TAFA2: variants seen among roughly 807,000 people sequenced by gnomAD.
TAFA2 encodes the protein chemokine-like protein TAFA-2.
A neutral mutation model predicts 18.8 loss-of-function variants in TAFA2; 7 were observed. The observed-to-expected ratio is 0.37, with a 90% CI of 0.21 to 0.70. The LOEUF is 0.70. Among genes scored for constraint, TAFA2 ranks in the 30% least tolerant of loss-of-function variants. The probability of loss-of-function intolerance (pLI) is 0.53; values close to 1 mark genes in which losing one functional copy is unlikely to be tolerated. For synonymous variants in TAFA2, 60 were observed against 54.2 expected, an observed-to-expected ratio of 1.11 and a Z score of -0.47; for missense variants, 122 against 158.1, an observed-to-expected ratio of 0.77 and a Z score of 1.23.
At chr12:62,058,919 C>T (rs932557085) in intron 1 of TAFA2, among the ~76,000 whole-genome samples, 3 of 152,030 alleles carry the variant, frequency 2.0e-5, no homozygotes, top group African/African-American at 4.8e-5. Flanking sequence ...CTGGCTAACA[C>T]GGTGAAACCC....
intron 2 of TAFA2, among the ~76,000 whole-genome samples, chr12:61,860,676 C>T (rs1232650785): frequency 1.3e-5 from 2 of 152,182 alleles, no homozygotes; most frequent in Non-Finnish European, 2.9e-5. Flanking sequence ...TTTCATGTCT[C>T]AGTAGCTTGG....
intron 1 of TAFA2, among the ~76,000 whole-genome samples, chr12:62,163,292 A>G (rs1294240732): frequency 6.6e-6 from 1 of 152,080 alleles, no homozygotes; most frequent in Non-Finnish European, 1.5e-5. Flanking sequence ...TCTAGAAAAA[A>G]TCTCCAAACA....
chr12:61,823,496 C>A (rs1223223611), intron 2 of TAFA2, among the ~76,000 whole-genome samples: 1 of 152,156 alleles, frequency 6.6e-6, no homozygotes, highest in Admixed American at 6.5e-5. Context: ...AGGTAGGCCA[C>A]AAATACCCCT....
At chr12:62,166,631 C>A (rs2062442256) in intron 1 of TAFA2, among the ~76,000 whole-genome samples, 1 of 152,064 alleles carries the variant, frequency 6.6e-6, no homozygotes, top group Non-Finnish European at 1.5e-5. Flanking sequence ...TGCAAAATAG[C>A]TCTTTAAAGA....
chr12:61,738,934 G>C (rs567707611), intron 4 of TAFA2, among the ~76,000 whole-genome samples: 2 of 152,160 alleles, frequency 1.3e-5, no homozygotes, highest in African/African-American at 4.8e-5. Flanking sequence ...GTTAATATTT[G>C]AGTTATGAGA....
At chr12:61,835,588 A>T (rs913833003) in intron 2 of TAFA2, among the ~76,000 whole-genome samples, 3 of 152,000 alleles carry the variant, frequency 2.0e-5, no homozygotes, top group Middle Eastern at 3.4e-3. Flanking sequence ...ACCATGATTA[A>T]TTTTTTTGTA....
chr12:62,080,520 GA>G (rs60069379), intron 1 of TAFA2, among the ~76,000 whole-genome samples: 216 of 144,882 alleles, frequency 1.5e-3, no homozygotes, highest in South Asian at 7.4e-3. Context: ...AGAAAGAAAA[GA>G]AAAAAAAAAA....
At chr12:62,175,922 TA>T (rs1490636670) in intron 1 of TAFA2, among the ~76,000 whole-genome samples, 5 of 150,144 alleles carry the variant, frequency 3.3e-5, no homozygotes, top group Non-Finnish European at 3.0e-5. Context: ...TCTCATCTAT[TA>T]AAAAAAAAGA....
chr12:62,131,288 G>A (rs1176261766), intron 1 of TAFA2, among the ~76,000 whole-genome samples: 1 of 151,974 alleles, frequency 6.6e-6, no homozygotes. Context: ...TCCACACACA[G>A]AGAAAGAAAA....
chr12:62,055,244 T>C (rs1218312082), intron 1 of TAFA2, among the ~76,000 whole-genome samples: 2 of 152,292 alleles, frequency 1.3e-5, no homozygotes, highest in South Asian at 2.1e-4. Context: ...TAAATTTCTG[T>C]CCTTTATAAA....
At chr12:61,767,012 A>C (rs1199390893) in intron 2 of TAFA2, among the ~76,000 whole-genome samples, 1 of 152,152 alleles carries the variant, frequency 6.6e-6, no homozygotes, top group East Asian at 1.9e-4. Context: ...AATCTCACTA[A>C]GTCACAATTT....
intron 1 of TAFA2, among the ~76,000 whole-genome samples, chr12:61,907,532 C>A (rs746578293): frequency 1.3e-5 from 2 of 152,196 alleles, no homozygotes; most frequent in African/African-American, 4.8e-5. Context: ...CAGAAGTTTG[C>A]TGCAGGGGTG....
At chr12:61,956,615 T>C (rs2121467186) in intron 1 of TAFA2, among the ~76,000 whole-genome samples, 1 of 89,862 alleles carries the variant, frequency 1.1e-5, no homozygotes, top group African/African-American at 3.8e-5. Context: ...GGTAGTAGAA[T>C]TTTGTTTTGT....
chr12:61,946,112 T>C (rs1478839773), intron 1 of TAFA2, among the ~76,000 whole-genome samples: 1 of 147,402 alleles, frequency 6.8e-6, no homozygotes, highest in Non-Finnish European at 1.5e-5. Context: ...AACAGAGATA[T>C]AGATCAATGG....
chr12:62,130,888 A>C (rs1454573715), intron 1 of TAFA2, among the ~76,000 whole-genome samples: 1 of 152,026 alleles, frequency 6.6e-6, no homozygotes, highest in East Asian at 1.9e-4. Flanking sequence ...AAACTGTGAA[A>C]ATCTCTTTCT....
Position 61,835,010 on chromosome 12 carries a change from C to T in TAFA2, c.106+32310G>A, listed in dbSNP as rs191239573. On this transcript the variant is annotated intron_variant, in intron 2 of 4. Transcript: ENST00000416284. ...CTGTGACTATGATACTCCAGAATTGCTTTTGTTGTCTCAGCTGCTCTGTCT... is the reference window on the plus strand; with the variant it reads ...CTGTGACTATGATACTCCAGAATTGTTTTTGTTGTCTCAGCTGCTCTGTCT... 2.4e-3 allele frequency among the ~76,000 whole-genome samples: 358 copies of T among 151,896 alleles called. 2 individuals carry two copies. The highest frequency in any genetic ancestry group is 8.1e-3 in the African/African-American group (336 of 41,458).
chr12:62,178,903 A>T (rs574190298), intron 1 of TAFA2, among the ~76,000 whole-genome samples: 68 of 152,316 alleles, frequency 4.5e-4, no homozygotes, highest in African/African-American at 1.6e-3. Flanking sequence ...AGACACTTGT[A>T]GAGAATCAGG....
chr12:62,136,353 G>A (rs1341119575), intron 1 of TAFA2, among the ~76,000 whole-genome samples: 7 of 152,132 alleles, frequency 4.6e-5, no homozygotes, highest in Non-Finnish European at 1.0e-4. Context: ...TACAACATGT[G>A]GCAGTTTTTG....
intron 1 of TAFA2, among the ~76,000 whole-genome samples, chr12:62,126,965 C>T (rs556955120): frequency 2.0e-5 from 3 of 152,030 alleles, no homozygotes; most frequent in Non-Finnish European, 2.9e-5. Flanking sequence ...TTCAGGGAGA[C>T]ATGGTCACCC....
Sources: gnomAD v4.1 joint callset for allele counts (sites outside exome capture counted in the v4.1 genomes callset) on GRCh38, gnomAD v4.1.1 for gene constraint, MANE v1.5 for transcripts, NCBI Gene and HGNC (gene_info 2026-07-23, HGNC 2026-07-21) for gene names.